The following CSMD1 variants were observed in gnomAD, a reference collection of about 807,000 sequenced individuals.
CSMD1 encodes the protein CUB and sushi domain-containing protein 1.
CSMD1 carries 213 observed loss-of-function variants against 417.5 expected under a neutral mutation model. The observed-to-expected ratio is 0.51, with a 90% CI of 0.46 to 0.57. CSMD1 has a LOEUF of 0.57. Among genes scored for constraint, CSMD1 ranks in the 20% least tolerant of loss-of-function variants. CSMD1 has a pLI of 0.00. For missense variants in CSMD1, 6,923 were observed against 4,529.7 expected, an observed-to-expected ratio of 1.53 and a Z score of -15.17; for synonymous variants, 2,862 against 1,736.8, an observed-to-expected ratio of 1.65 and a Z score of -16.11.
At chr8:4,578,904 C>G (rs10104298) in intron 2 of CSMD1, among the ~76,000 whole-genome samples, 66,597 of 149,306 alleles carry the variant, frequency 0.45, 15,081 homozygotes, top group South Asian at 0.53. Context: ...TTGAAATCAC[C>G]ATGTGAAAAC....
chr8:4,829,157 G>A (rs1447931440), intron 1 of CSMD1, among the ~76,000 whole-genome samples: 2 of 152,126 alleles, frequency 1.3e-5, no homozygotes, highest in Admixed American at 6.6e-5. Flanking sequence ...CCTGCCTGTT[G>A]CAATTCCACA....
chr8:3,980,161 A>T (rs1013722335), intron 5 of CSMD1, among the ~76,000 whole-genome samples: 6 of 152,198 alleles, frequency 3.9e-5, no homozygotes, highest in African/African-American at 1.2e-4. Context: ...AGAGCATTTT[A>T]TAATATATGA....
intron 2 of CSMD1, among the ~76,000 whole-genome samples, chr8:4,572,195 C>T (rs1798924757): frequency 6.6e-6 from 1 of 152,108 alleles, no homozygotes; most frequent in African/African-American, 2.4e-5. Flanking sequence ...ATAGTTGATG[C>T]AGTTTCTTCA....
chr8:3,035,079 A>C (rs1468368688), intron 50 of CSMD1, among the ~76,000 whole-genome samples: 1 of 152,148 alleles, frequency 6.6e-6, no homozygotes, highest in East Asian at 1.9e-4. Context: ...AGGCAACACG[A>C]AACAGCCTGA....
chr8:4,092,540 G>A (rs891314420), intron 3 of CSMD1, among the ~76,000 whole-genome samples: 2 of 152,092 alleles, frequency 1.3e-5, no homozygotes, highest in Non-Finnish European at 2.9e-5. Context: ...AAGTATTTTG[G>A]AAAATTATTT....
At position 4,642,360 on chromosome 8, in the gene CSMD1, T is replaced by C. The variant is rs965818986; in HGVS notation, c.86-4802A>G. Among the ~76,000 whole-genome samples, 4 of 152,168 alleles carry C rather than the reference T, an allele frequency of 2.6e-5. No individual in the cohort carries two copies. In the East Asian group the frequency reaches 7.7e-4, roughly 29 times the overall value. On this transcript the variant is annotated intron_variant, in intron 1 of 69. Transcript: ENST00000635120. ...CCCTGTGCCCTCATCATTTCTGAGA[T>C]GAACTAACCCCTCCACTCTGAACAC...
chr8:4,251,796 A>C (rs1266951856), intron 3 of CSMD1, among the ~76,000 whole-genome samples: 2 of 150,300 alleles, frequency 1.3e-5, no homozygotes, highest in African/African-American at 4.9e-5. Context: ...TGGAGGAGGA[A>C]AGATGGAGAA....
chr8:4,777,631 C>T (rs571740562), intron 1 of CSMD1, among the ~76,000 whole-genome samples: 18 of 152,302 alleles, frequency 1.2e-4, no homozygotes, highest in African/African-American at 3.8e-4. Flanking sequence ...AGAGAATTTG[C>T]TTTTAAAATA....
At chr8:3,696,282 T>A (rs762023848) in intron 7 of CSMD1, among the ~76,000 whole-genome samples, 3 of 152,222 alleles carry the variant, frequency 2.0e-5, no homozygotes, top group Admixed American at 6.5e-5. Context: ...ATAATAATAA[T>A]ATGCAGTGCA....
chr8:4,305,554 C>A (rs1344604265), intron 3 of CSMD1, among the ~76,000 whole-genome samples: 4 of 152,158 alleles, frequency 2.6e-5, no homozygotes, highest in Non-Finnish European at 4.4e-5. Context: ...GCTGTTCTCT[C>A]TGGAATAACA....
chr8:3,299,576 G>T (rs17079806), intron 25 of CSMD1, among the ~76,000 whole-genome samples: 75,008 of 143,156 alleles, frequency 0.52, 20,759 homozygotes, highest in South Asian at 0.64. Flanking sequence ...ATAAAAGCAC[G>T]CCACCATACA....
intron 5 of CSMD1, among the ~76,000 whole-genome samples, chr8:3,905,459 C>T (rs769169903): frequency 3.3e-5 from 5 of 152,228 alleles, no homozygotes; most frequent in East Asian, 1.9e-4. Flanking sequence ...CCCCCCAACA[C>T]GGGTCCAATG....
intron 1 of CSMD1, among the ~76,000 whole-genome samples, chr8:4,927,949 C>T (rs1338896288): frequency 6.6e-6 from 1 of 152,306 alleles, no homozygotes; most frequent in African/African-American, 2.4e-5. Flanking sequence ...TTCCACACTA[C>T]ATCTCCAGTG....
intron 3 of CSMD1, among the ~76,000 whole-genome samples, chr8:4,139,016 A>AGG (rs1803611285): frequency 1.3e-5 from 2 of 151,896 alleles, no homozygotes; most frequent in Non-Finnish European, 2.9e-5. Context: ...TGCAGAAAGG[A>AGG]CATATGCTGC....
intron 1 of CSMD1, among the ~76,000 whole-genome samples, chr8:4,721,969 G>A (rs765015710): frequency 7.9e-5 from 12 of 152,078 alleles, no homozygotes; most frequent in Non-Finnish European, 1.5e-4. Flanking sequence ...TTACAAAAAC[G>A]GAATACAAAG....
chr8:3,380,380 C>T (rs572600905), intron 18 of CSMD1, among the ~76,000 whole-genome samples: 1 of 152,260 alleles, frequency 6.6e-6, no homozygotes, highest in South Asian at 2.1e-4. Flanking sequence ...TCAGAAATCC[C>T]ATTACTGGGT....
chr8:4,284,560 C>T (rs1297127414), intron 3 of CSMD1, among the ~76,000 whole-genome samples: 2 of 152,142 alleles, frequency 1.3e-5, no homozygotes, highest in South Asian at 2.1e-4. Context: ...CCAGCCCCAA[C>T]GTTTATTGGG....
At chr8:4,927,126 G>C (rs180935603) in intron 1 of CSMD1, among the ~76,000 whole-genome samples, 32 of 120,470 alleles carry the variant, frequency 2.7e-4, no homozygotes, top group African/African-American at 8.6e-4. Context: ...TTATTATTAA[G>C]ATAGACACTC....
At chr8:4,824,287 T>G (rs1799687580) in intron 1 of CSMD1, among the ~76,000 whole-genome samples, 3 of 152,076 alleles carry the variant, frequency 2.0e-5, no homozygotes, top group African/African-American at 7.2e-5. Context: ...AAGTTTTTCT[T>G]GGGTACGTAT....
Sources: gnomAD v4.1 joint callset for allele counts (sites outside exome capture counted in the v4.1 genomes callset) on GRCh38, gnomAD v4.1.1 for gene constraint, MANE v1.5 for transcripts, NCBI Gene and HGNC (gene_info 2026-07-23, HGNC 2026-07-21) for gene names.